Variants in RAPGEF2 observed in about 807,000 individuals in gnomAD.
RAPGEF2 encodes the protein Rap guanine nucleotide exchange factor 2.
RAPGEF2 carries 54 observed loss-of-function variants against 186.7 expected under a neutral mutation model. The observed-to-expected ratio is 0.29, with a 90% CI of 0.23 to 0.36. The LOEUF (loss-of-function observed/expected upper bound fraction) is 0.36, where lower values mean the gene tolerates loss of function less well. Ranked by LOEUF, RAPGEF2 falls within the 10% of genes least tolerant of loss-of-function variation. The pLI is 1.00. For missense variants in RAPGEF2, 1,532 were observed against 2,045.0 expected (o/e 0.75, Z 4.84); for synonymous variants, 712 against 705.9 (o/e 1.01, Z -0.14).
chr4:159,181,645 T>C (rs1414897880), intron 1 of RAPGEF2, among the ~76,000 whole-genome samples: 1 of 143,506 alleles, frequency 7.0e-6, no homozygotes, highest in African/African-American at 2.6e-5. Context: ...TGGCACAATC[T>C]CAGCCTCAGC....
intron 7 of RAPGEF2, among the ~76,000 whole-genome samples, chr4:159,271,874 T>C (rs1758176468): frequency 6.6e-6 from 1 of 152,238 alleles, no homozygotes; most frequent in Non-Finnish European, 1.5e-5. Context: ...ATCTATCCAT[T>C]TTGAAATCAT....
chr4:159,272,218 A>T (rs934357179), intron 7 of RAPGEF2, among the ~76,000 whole-genome samples: 1 of 152,214 alleles, frequency 6.6e-6, no homozygotes, highest in Non-Finnish European at 1.5e-5. Flanking sequence ...TTTGTTAGCC[A>T]TAAGTATCAT....
chr4:159,352,670 G>T lies in RAPGEF2; in HGVS notation c.3866-15G>T. 2 of 1,586,848 alleles carry T rather than the reference G, an allele frequency of 1.3e-6. No homozygotes were observed. The highest frequency in any genetic ancestry group is 1.3e-5 in the African/African-American group (1 of 74,416). ...CCTAGAGAGTCTAATTAATACGGTTGTATTTCTCATGCAGGCTATACTTTG... is the reference window on the plus strand; with the variant it reads ...CCTAGAGAGTCTAATTAATACGGTTTTATTTCTCATGCAGGCTATACTTTG... On this transcript the variant is annotated splice_polypyrimidine_tract_variant and intron_variant, in intron 26 of 29. Transcript: ENST00000691494.
chr4:159,110,807 A>G (rs1420847099), intron 1 of RAPGEF2, among the ~76,000 whole-genome samples: 3 of 152,084 alleles, frequency 2.0e-5, no homozygotes, highest in Non-Finnish European at 4.4e-5. Flanking sequence ...CCTTTATACC[A>G]TTTTTTGTTT....
chr4:159,113,451 AT>A (rs939762102), intron 1 of RAPGEF2, among the ~76,000 whole-genome samples: 1 of 152,126 alleles, frequency 6.6e-6, no homozygotes, highest in African/African-American at 2.4e-5. Flanking sequence ...TTTTTAAGAC[AT>A]CTTTTAGGCT....
intron 7 of RAPGEF2, among the ~76,000 whole-genome samples, chr4:159,277,190 T>C (rs1378256321): frequency 6.6e-6 from 1 of 152,036 alleles, no homozygotes; most frequent in Non-Finnish European, 1.5e-5. Context: ...TTTCTGTCCT[T>C]GTGATAGTTT....
chr4:159,149,881 T>TGATGTTGAA (rs993215307), intron 1 of RAPGEF2, among the ~76,000 whole-genome samples: 1 of 152,166 alleles, frequency 6.6e-6, no homozygotes, highest in Non-Finnish European at 1.5e-5. Context: ...TAAACAGATG[T>TGATGTTGAA]GATGTTGAAA....
rs184467767 is a variant in RAPGEF2, at chr4:159,106,534, T to C, written c.69+2303T>C. On this transcript the variant is annotated intron_variant, in intron 1 of 29. Coordinates refer to ENST00000691494, the MANE Select transcript of RAPGEF2 (RefSeq NM_001394067.2). ...GTTTGTGAGTTCGAATTTTATAATA[T>C]TAGAAAAGCAACCATGTTAAATAAG... Among the ~76,000 whole-genome samples, 390 of 152,318 alleles carry C rather than the reference T, an allele frequency of 2.6e-3. 1 individual carries two copies. The highest frequency in any genetic ancestry group is 8.9e-3 in the African/African-American group (369 of 41,580).
intron 7 of RAPGEF2, among the ~76,000 whole-genome samples, chr4:159,292,044 C>T (rs1318117201): frequency 2.0e-5 from 3 of 152,000 alleles, no homozygotes; most frequent in Admixed American, 6.6e-5. Context: ...AATTGGTTCA[C>T]GTTAAAATGA....
At chr4:159,115,832 G>A (rs973437866) in intron 1 of RAPGEF2, among the ~76,000 whole-genome samples, 27 of 152,126 alleles carry the variant, frequency 1.8e-4, no homozygotes, top group African/African-American at 6.5e-4. Flanking sequence ...AACAAGCAAT[G>A]GGGAGAGGAT....
At chr4:159,294,164 T>C (rs749971762) in intron 7 of RAPGEF2, among the ~76,000 whole-genome samples, 18 of 152,260 alleles carry the variant, frequency 1.2e-4, no homozygotes, top group Non-Finnish European at 2.2e-4. Flanking sequence ...TTTTTAATTC[T>C]GTGTAAGGCC....
intron 9 of RAPGEF2, among the ~76,000 whole-genome samples, chr4:159,320,824 G>A (rs1765151837): frequency 6.6e-6 from 1 of 151,766 alleles, no homozygotes; most frequent in Admixed American, 6.6e-5. Flanking sequence ...ACAGATAAAA[G>A]GAATGTATAT....
At chr4:159,155,810 T>C (rs373797169) in intron 1 of RAPGEF2, among the ~76,000 whole-genome samples, 22 of 152,058 alleles carry the variant, frequency 1.4e-4, no homozygotes, top group East Asian at 9.6e-4. Context: ...ATAACACTTA[T>C]AGCTATAAAA....
At chr4:159,119,950 A>G (rs1739475991) in intron 1 of RAPGEF2, among the ~76,000 whole-genome samples, 1 of 152,160 alleles carries the variant, frequency 6.6e-6, no homozygotes, top group African/African-American at 2.4e-5. Flanking sequence ...GTCTACTTGT[A>G]GTAATACTTT....
intron 1 of RAPGEF2, among the ~76,000 whole-genome samples, chr4:159,161,412 GA>G (rs1474819960): frequency 6.6e-6 from 1 of 152,150 alleles, no homozygotes; most frequent in Non-Finnish European, 1.5e-5. Flanking sequence ...CTTAATTGAA[GA>G]AATAATTTAG....
chr4:159,350,301 T>C lies in RAPGEF2; in HGVS notation c.3865+12T>C, dbSNP rs762782190. ...TTCTCCAAGGAAAGGTAGAATTAAATTACTTTTTGTTTTCTTGTATTGAAA... is the reference window on the plus strand; with the variant it reads ...TTCTCCAAGGAAAGGTAGAATTAAACTACTTTTTGTTTTCTTGTATTGAAA... On this transcript the variant is annotated intron_variant, in intron 26 of 29. Coordinates refer to ENST00000691494, the MANE Select transcript of RAPGEF2 (RefSeq NM_001394067.2). 1.3e-6 allele frequency: 2 copies of C among 1,533,668 alleles called. No individual in the cohort carries two copies. The highest frequency in any genetic ancestry group is 2.7e-5 in the South Asian group (2 of 75,434).
At chr4:159,317,686 C>T (rs772816239) in intron 9 of RAPGEF2, among the ~76,000 whole-genome samples, 8 of 152,164 alleles carry the variant, frequency 5.3e-5, no homozygotes, top group Non-Finnish European at 1.0e-4. Flanking sequence ...TTGCATTTCA[C>T]GTTCTCATTC....
intron 18 of RAPGEF2, 69 bp downstream of exon 18, chr4:159,338,537 TA>T: frequency 7.2e-7 from 1 of 1,396,394 alleles, no homozygotes. Context: ...ATGGTCATAT[TA>T]TATGTATCTC....
At chr4:159,263,805 A>T (rs761298914) in intron 7 of RAPGEF2, among the ~76,000 whole-genome samples, 7 of 152,168 alleles carry the variant, frequency 4.6e-5, no homozygotes, top group Non-Finnish European at 8.8e-5. Context: ...GTAATTAGAA[A>T]GTGAATACTT....
Sources: gnomAD v4.1 joint callset for allele counts (sites outside exome capture counted in the v4.1 genomes callset) on GRCh38, gnomAD v4.1.1 for gene constraint, MANE v1.5 for transcripts, NCBI Gene and HGNC (gene_info 2026-07-23, HGNC 2026-07-21) for gene names.